NWD2: variants seen among roughly 807,000 people sequenced by gnomAD.
NWD2 encodes the protein NACHT and WD repeat domain containing 2, also known as NACHT and WD repeat domain-containing protein 2.
NWD2 carries 37 observed loss-of-function variants against 132.7 expected under a neutral mutation model. The observed-to-expected ratio is 0.28, with a 90% confidence interval of 0.21 to 0.37. NWD2 has a LOEUF of 0.37. Among genes scored for constraint, NWD2 ranks in the 10% least tolerant of loss-of-function variants. The pLI, the probability that NWD2 is intolerant of heterozygous loss-of-function variation, is 1.00. For synonymous variants in NWD2, 705 were observed against 803.0 expected (o/e 0.88, Z 2.06); for missense variants, 1,592 against 2,122.4 (o/e 0.75, Z 4.91).
chr4:37,313,429 G>A lies in NWD2; in HGVS notation c.152-12507G>A, dbSNP rs1418549031. ...GTTTATTTGCGTAGAGTTATTGGTA[G>A]TATTCTCTGATGGTAGTTTGTATTT... On this transcript the variant is annotated intron_variant, in intron 1 of 6. Coordinates refer to ENST00000309447, the MANE Select transcript of NWD2 (RefSeq NM_001144990.2). Among the ~76,000 whole-genome samples, 3 of 151,138 alleles carry A rather than the reference G, an allele frequency of 2.0e-5. 1 individual carries two copies. Among genetic ancestry groups the A allele is most frequent in the African/African-American group, 7.4e-5 (3 of 40,426 alleles).
Position 37,246,750 on chromosome 4 carries a change from CAT to C in NWD2, c.151+1533_151+1534del, listed in dbSNP as rs770228345. 4.6e-5 allele frequency among the ~76,000 whole-genome samples: 7 copies of C among 152,160 alleles called. No homozygotes were observed. In the East Asian group the frequency reaches 9.6e-4, roughly 21 times the overall value. On this transcript the variant is annotated intron_variant, in intron 1 of 6. Transcript: ENST00000309447. ...TTTAGTTCTGAGCTTTTAAAAAAGT[CAT>C]GTGAAATGTGTTTCAATCTGCTGAT...
chr4:37,306,028 T>C (rs1369874251), intron 1 of NWD2, among the ~76,000 whole-genome samples: 1 of 152,188 alleles, frequency 6.6e-6, no homozygotes, highest in Non-Finnish European at 1.5e-5. Context: ...CATCATTTGT[T>C]AGTCAGTTCA....
chr4:37,356,079 C>A (rs550446867), intron 2 of NWD2, among the ~76,000 whole-genome samples: 8 of 152,108 alleles, frequency 5.3e-5, no homozygotes, highest in Non-Finnish European at 1.0e-4. Context: ...ATTCTGTTTC[C>A]ATTTCAAGAC....
Position 37,443,733 on chromosome 4 carries a change from A to G in NWD2, c.1745A>G (p.Lys582Arg), listed in dbSNP as rs1479006638. The G allele has an allele frequency of 7.1e-6, 11 of 1,551,940 alleles. No individual in the cohort carries two copies. Among genetic ancestry groups the G allele is most frequent in the Non-Finnish European group, 8.7e-6 (10 of 1,147,108 alleles). Residue 582 changes from lysine (K) to arginine (R), a missense_variant, in exon 7 of 7, where the codon AAA (lysine) becomes AGA (arginine). By Grantham distance (26) the Lys-to-Arg change is conservative (BLOSUM62 2). Coordinates refer to ENST00000309447, the MANE Select transcript of NWD2 (RefSeq NM_001144990.2). This position sits in a 1 kb window ranked among gnomAD's most constrained non-coding sequence, Gnocchi z 4.1. The stretch of plus-strand genomic sequence containing the variant: ...AGGAAGATGTGCAGCCAGGTCCTCA[A>G]ACACCAGCTGCTGCGCGTCAAAAGG... The part of the protein sequence containing the change: ...RDRKMCSQVL[K>R]HQLLRVKRKV...
At chr4:37,278,068 C>T (rs926651789) in intron 1 of NWD2, among the ~76,000 whole-genome samples, 1 of 151,990 alleles carries the variant, frequency 6.6e-6, no homozygotes, top group Non-Finnish European at 1.5e-5. Context: ...GGTGAGAGGT[C>T]ATATTCAACC....
intron 1 of NWD2, among the ~76,000 whole-genome samples, chr4:37,303,610 A>ATTT (rs553802749): frequency 6.6e-6 from 1 of 151,918 alleles, no homozygotes; most frequent in South Asian, 2.1e-4. Flanking sequence ...GTCCTCTTCA[A>ATTT]TTTCTTTCAT....
intron 1 of NWD2, among the ~76,000 whole-genome samples, chr4:37,292,049 A>G (rs1425981040): frequency 1.3e-5 from 2 of 152,196 alleles, no homozygotes; most frequent in African/African-American, 2.4e-5. Context: ...GTTTTTTTAG[A>G]AAGTTAATAA....
intron 2 of NWD2, among the ~76,000 whole-genome samples, chr4:37,343,894 G>A (rs965284803): frequency 2.0e-5 from 3 of 151,964 alleles, no homozygotes; most frequent in African/African-American, 4.8e-5. Flanking sequence ...ATTTGTTAGG[G>A]CATTATTTGC....
Position 37,403,173 on chromosome 4 carries a change from G to A in NWD2, c.358-27399G>A, listed in dbSNP as rs1339753696. ...TTTATTGTGCCCTTATTATGTACCA[G>A]GCACTGTTCTAGGCATGAGAATGCA... is the stretch of plus-strand genomic sequence containing the variant. On this transcript the variant is annotated intron_variant, in intron 3 of 6. Coordinates refer to ENST00000309447, the MANE Select transcript of NWD2 (RefSeq NM_001144990.2). Among the ~76,000 whole-genome samples the A allele has an allele frequency of 2.6e-5, 4 of 152,146 alleles. No individual in the cohort carries two copies. In the East Asian group the frequency reaches 7.7e-4, roughly 29 times the overall value.
At chr4:37,328,987 C>A in intron 2 of NWD2, among the ~76,000 whole-genome samples, 1 of 151,948 alleles carries the variant, frequency 6.6e-6, no homozygotes, top group East Asian at 1.9e-4. Flanking sequence ...GTCCTATAGT[C>A]CCTGGCACAT....
chr4:37,387,130 T>C (rs1197142964), intron 3 of NWD2, among the ~76,000 whole-genome samples: 1 of 152,122 alleles, frequency 6.6e-6, no homozygotes, highest in Admixed American at 6.5e-5. Context: ...ACCAGGACAT[T>C]ATCCTAGGTC....
chr4:37,271,585 C>A (rs964935133), intron 1 of NWD2, among the ~76,000 whole-genome samples: 10 of 151,624 alleles, frequency 6.6e-5, no homozygotes, highest in Non-Finnish European at 1.2e-4. Flanking sequence ...TCAAATAATT[C>A]TTTTGTAAGT....
At chr4:37,389,874 G>A (rs1474606233) in intron 3 of NWD2, among the ~76,000 whole-genome samples, 1 of 151,840 alleles carries the variant, frequency 6.6e-6, no homozygotes, top group East Asian at 1.9e-4. Flanking sequence ...TCTACCTCCC[G>A]GGTTCAAGAG....
chr4:37,351,777 G>A lies in NWD2; in HGVS notation c.241-4589G>A, dbSNP rs777900009. Among the ~76,000 whole-genome samples the A allele has an allele frequency of 6.9e-4, 105 of 151,924 alleles. 3 individuals are homozygous for A. The highest frequency in any genetic ancestry group is 3.9e-4 in the Admixed American group (6 of 15,256). The stretch of plus-strand genomic sequence containing the variant: ...CTTTTACTTGTGATGTTAGGGTGTC[G>A]ATTTTAGATCTTTCCTGCTTTCTCC... On this transcript the variant is annotated intron_variant, in intron 2 of 6. Transcript: ENST00000309447.
chr4:37,319,990 AGT>A (rs1167006533), intron 1 of NWD2, among the ~76,000 whole-genome samples: 7 of 152,300 alleles, frequency 4.6e-5, no homozygotes, highest in Admixed American at 1.3e-4. Context: ...ATTTTAGAAT[AGT>A]TTTTTATAGT....
At chr4:37,272,700 A>G (rs933790984) in intron 1 of NWD2, among the ~76,000 whole-genome samples, 1 of 151,672 alleles carries the variant, frequency 6.6e-6, no homozygotes, top group Non-Finnish European at 1.5e-5. Flanking sequence ...TTATTTATTA[A>G]TCTTATTTTA....
intron 3 of NWD2, among the ~76,000 whole-genome samples, chr4:37,366,869 A>G (rs938148595): frequency 6.6e-6 from 1 of 152,172 alleles, no homozygotes. Context: ...GAAATAGACA[A>G]ATCTACAGTC....
At chr4:37,397,847 T>C (rs547751203) in intron 3 of NWD2, among the ~76,000 whole-genome samples, 3 of 152,084 alleles carry the variant, frequency 2.0e-5, no homozygotes, top group Non-Finnish European at 4.4e-5. Flanking sequence ...CTTTCTGTTA[T>C]TCTCTCTGTC....
chr4:37,423,726 C>T (rs1711896396), intron 3 of NWD2, among the ~76,000 whole-genome samples: 1 of 152,208 alleles, frequency 6.6e-6, no homozygotes, highest in African/African-American at 2.4e-5. Flanking sequence ...AACAACATCA[C>T]ATACCTAACC....
Sources: allele counts gnomAD v4.1 joint callset (sites outside exome capture counted in the v4.1 genomes callset), GRCh38; gene constraint gnomAD v4.1.1; non-coding constraint Gnocchi (gnomAD v3.1); transcripts MANE v1.5; gene names NCBI Gene and HGNC (gene_info 2026-07-23, HGNC 2026-07-21).